Variants in ANGPTL2 observed in about 807,000 individuals in gnomAD.
ANGPTL2 encodes the protein angiopoietin-related protein 2.
In ANGPTL2, 25 loss-of-function variants were observed where a neutral mutation model predicts 52.8. That is an observed-to-expected ratio of 0.47 (90% confidence interval 0.35 to 0.66). The LOEUF is 0.66. Ranked by LOEUF, ANGPTL2 falls within the 30% of genes least tolerant of loss-of-function variation. The pLI is 0.01. For missense variants in ANGPTL2, 546 were observed against 656.9 expected (o/e 0.83, Z 1.84); for synonymous variants, 276 against 277.4 (o/e 1.00, Z 0.05).
intron 1 of ANGPTL2, among the ~76,000 whole-genome samples, chr9:127,120,664 T>TAC (rs1270046683): frequency 1.3e-5 from 2 of 151,922 alleles, no homozygotes; most frequent in African/African-American, 4.8e-5. Context: ...CTACTGAAAA[T>TAC]ACACACACAC....
At chr9:127,096,585 G>A (rs571243125) in intron 2 of ANGPTL2, among the ~76,000 whole-genome samples, 9 of 152,304 alleles carry the variant, frequency 5.9e-5, no homozygotes, top group Non-Finnish European at 1.2e-4. Context: ...CTTTGTGGGC[G>A]CCATGAATGA....
At chr9:127,092,534 A>G (rs981328859) in intron 3 of ANGPTL2, among the ~76,000 whole-genome samples, 9 of 152,104 alleles carry the variant, frequency 5.9e-5, no homozygotes, top group African/African-American at 1.9e-4. Context: ...CATTAATACA[A>G]TAATTATTTA....
intron 4 of ANGPTL2, 34 bp from the exon 5 acceptor site, chr9:127,089,172 G>T: frequency 6.2e-7 from 1 of 1,610,298 alleles, no homozygotes; most frequent in Non-Finnish European, 8.5e-7. Flanking sequence ...GGGTGTCTGG[G>T]AGGAGGCCAT....
chr9:127,095,577 G>A (rs551608144), intron 2 of ANGPTL2, among the ~76,000 whole-genome samples: 4 of 152,324 alleles, frequency 2.6e-5, no homozygotes, highest in African/African-American at 4.8e-5. Flanking sequence ...GGGTGGGGCC[G>A]CTCTGACGCC....
chr9:127,097,793 G>A (rs762473793), intron 2 of ANGPTL2, among the ~76,000 whole-genome samples: 11 of 152,232 alleles, frequency 7.2e-5, no homozygotes, highest in African/African-American at 1.9e-4. Context: ...CTGAGGAAGC[G>A]AGGGCTGGAG....
chr9:127,105,273 C>G (rs975872482), intron 2 of ANGPTL2, among the ~76,000 whole-genome samples: 1 of 152,188 alleles, frequency 6.6e-6, no homozygotes, highest in Non-Finnish European at 1.5e-5. Flanking sequence ...AAATCACTGC[C>G]ATTCCCTCCC....
intron 4 of ANGPTL2, among the ~76,000 whole-genome samples, chr9:127,090,503 CA>C (rs1277023309): frequency 6.6e-6 from 1 of 152,220 alleles, no homozygotes; most frequent in African/African-American, 2.4e-5. Context: ...CAGGGATGGG[CA>C]GGTCATGTCC....
In ANGPTL2 at chr9:127,099,382, A is replaced by G. The variant is rs1232169249; in HGVS notation, c.818-5456T>C. Among the ~76,000 whole-genome samples the G allele has an allele frequency of 7.2e-5, 11 of 152,336 alleles. No homozygotes were observed. In the East Asian group the frequency reaches 2.1e-3, roughly 29 times the overall value. On this transcript the variant is annotated intron_variant, in intron 2 of 4. Transcript: ENST00000373425. ...TACTCTCACTGATGGTCTGTCTCCAAAAAGTCTTCTTACCACTCCCTGAAA... is the reference window on the plus strand; with the variant it reads ...TACTCTCACTGATGGTCTGTCTCCAGAAAGTCTTCTTACCACTCCCTGAAA...
intron 1 of ANGPTL2, among the ~76,000 whole-genome samples, chr9:127,111,551 T>C (rs534560735): frequency 3.3e-5 from 5 of 152,220 alleles, no homozygotes; most frequent in Admixed American, 6.5e-5. Flanking sequence ...AGGGATCCCA[T>C]GGACAAGTGA....
rs1419502871 is a variant in ANGPTL2 at position 127,094,846 on chromosome 9, G to A, written c.818-920C>T. 3.9e-5 allele frequency among the ~76,000 whole-genome samples: 6 copies of A among 152,352 alleles called. No homozygotes were observed. The South Asian group carries it at 1.0e-3, about 26-fold the overall frequency. The stretch of plus-strand genomic sequence containing the variant: ...GACTGCACTGAGCTTGGGCAGCCCA[G>A]TCAGAAGGAATGGGTGTTATACCAC... On this transcript the variant is annotated intron_variant, in intron 2 of 4. Coordinates refer to ENST00000373425, the MANE Select transcript of ANGPTL2 (RefSeq NM_012098.3).
At chr9:127,089,258 A>G (rs1396149477) in intron 4 of ANGPTL2, 120 bp from the exon 5 acceptor site, 17 of 1,042,728 alleles carry the variant, frequency 1.6e-5, no homozygotes, top group Non-Finnish European at 2.4e-5. Context: ...AACGCTTGAA[A>G]GGTGGACCCG....
chr9:127,089,398 G>T (rs941918768), intron 4 of ANGPTL2, among the ~76,000 whole-genome samples: 4 of 152,200 alleles, frequency 2.6e-5, no homozygotes, highest in African/African-American at 9.6e-5. Flanking sequence ...TGTAAAATGA[G>T]AATAAAAATG....
At chr9:127,116,521 G>T (rs1438921663) in intron 1 of ANGPTL2, among the ~76,000 whole-genome samples, 1 of 152,208 alleles carries the variant, frequency 6.6e-6, no homozygotes, top group Non-Finnish European at 1.5e-5. Context: ...TCAGAGTCCA[G>T]CTTCTGAGTT....
intron 4 of ANGPTL2, among the ~76,000 whole-genome samples, chr9:127,089,963 G>C (rs1296242360): frequency 1.3e-5 from 2 of 152,202 alleles, no homozygotes; most frequent in African/African-American, 4.8e-5. Flanking sequence ...TCAGAATTGT[G>C]GGTTGGAGGG....
At position 127,091,724 on chromosome 9, in the gene ANGPTL2, A is replaced by G; in HGVS notation, c.1228T>C (p.Trp410Arg). The change falls in exon 4 of 5, where the codon TGG (tryptophan) becomes CGG (arginine). Residue 410 changes from tryptophan (W) to arginine (R), a missense_variant. Trp to Arg is a moderately radical substitution (Grantham distance 101). This residue lies in a region of ANGPTL2 where 261 missense variants were observed against 361.0 expected (regional missense o/e 0.72). Coordinates refer to ENST00000373425, the MANE Select transcript of ANGPTL2 (RefSeq NM_012098.3). This position sits in a 1 kb window ranked among gnomAD's most constrained non-coding sequence, Gnocchi z 4.3. ...GTGGTGAACTGCTTGCCGTTGTGCCATGTAAAGGAGTCACCCGCATTGCCA... is the reference window on the plus strand; with the variant it reads ...GTGGTGAACTGCTTGCCGTTGTGCCGTGTAAAGGAGTCACCCGCATTGCCA... Reference protein sequence around the residue: ...YHGNAGDSFTWHNGKQFTTLD... With the variant: ...YHGNAGDSFTRHNGKQFTTLD... 1 of 1,613,998 alleles carries G rather than the reference A, an allele frequency of 6.2e-7. No individual in the cohort carries two copies. Among genetic ancestry groups the G allele is most frequent in the Non-Finnish European group, 8.5e-7 (1 of 1,179,998 alleles).
chr9:127,093,865 C>T lies in ANGPTL2; in HGVS notation c.879G>A (p.Leu293=). 1 of 1,614,094 alleles carries T rather than the reference C, an allele frequency of 6.2e-7. No homozygotes were observed. The highest frequency in any genetic ancestry group is 8.5e-7 in the Non-Finnish European group (1 of 1,180,016). The change falls in exon 3 of 5, where the codon CTG becomes CTA. Residue 293 remains leucine, a synonymous_variant. Coordinates refer to ENST00000373425, the MANE Select transcript of ANGPTL2 (RefSeq NM_012098.3). ...EDGHDTSSIY[L]VKPENTNRLM... is the part of the protein sequence containing the mutation. ...GGCGGTTGGTGTTCTCCGGCTTCAC[C>T]AGGTAGATGGAGCTGGTGTCGTGGC...
Position 127,101,072 on chromosome 9 carries a change from C to T in ANGPTL2, c.817+6843G>A, listed in dbSNP as rs145298783. Among the ~76,000 whole-genome samples, 220 of 152,344 alleles carry T rather than the reference C, an allele frequency of 1.4e-3. 2 individuals are homozygous for T. The East Asian group carries it at 0.026, about 18-fold the overall frequency. ...AGAGCACCACAAGGCCCTTACCTTC[C>T]TCATCACCTCCTTCAGGAAGCTTTC... On this transcript the variant is annotated intron_variant, in intron 2 of 4. Coordinates refer to ENST00000373425, the MANE Select transcript of ANGPTL2 (RefSeq NM_012098.3).
rs1022791488 is a variant in ANGPTL2, at chr9:127,088,839, C to T, written c.*100G>A. ...AATCCAGCATCCCGGTCCTCCCAGC[C>T]TCAGGATGAACTGGTGAGGAGTTGT... On this transcript the variant is annotated 3_prime_UTR_variant, in exon 5 of 5. Coordinates refer to ENST00000373425, the MANE Select transcript of ANGPTL2 (RefSeq NM_012098.3). 1.2e-5 allele frequency: 16 copies of T among 1,387,508 alleles called. No individual in the cohort carries two copies. Among genetic ancestry groups the T allele is most frequent in the Non-Finnish European group, 1.6e-5 (16 of 987,580 alleles). The allele number at this position is 1,387,508 out of a possible 1,614,324, so 85.9% of individuals were successfully genotyped here. A position where few individuals can be genotyped will look rare whatever the true frequency, so the allele number is the denominator to read the frequency against.
intron 2 of ANGPTL2, among the ~76,000 whole-genome samples, chr9:127,096,063 G>T (rs1204292092): frequency 6.6e-6 from 1 of 152,100 alleles, no homozygotes; most frequent in Non-Finnish European, 1.5e-5. Context: ...TAAGGGATGG[G>T]GCAGGACCCA....
Sources: allele counts gnomAD v4.1 joint callset (sites outside exome capture counted in the v4.1 genomes callset), GRCh38; gene constraint gnomAD v4.1.1; regional missense constraint gnomAD v4.1.1; non-coding constraint Gnocchi (gnomAD v3.1); transcripts MANE v1.5; gene names NCBI Gene and HGNC (gene_info 2026-07-23, HGNC 2026-07-21).